ZNF284: variants seen among roughly 807,000 people sequenced by gnomAD.
The protein encoded by ZNF284 is zinc finger protein 284.
In ZNF284, 12 loss-of-function variants were observed where a neutral mutation model predicts 12.9. The observed-to-expected ratio is 0.93, with a 90% CI of 0.60 to 1.51. ZNF284 has a LOEUF of 1.51. Ranked by LOEUF, ZNF284 falls within the 40% of genes most tolerant of loss-of-function variation. The pLI is 0.00. For synonymous variants in ZNF284, 225 were observed against 236.5 expected, an observed-to-expected ratio of 0.95 and a Z score of 0.45; for missense variants, 667 against 707.3, an observed-to-expected ratio of 0.94 and a Z score of 0.65.
At chr19:44,074,476 A>G (rs1966998930) in intron 1 of ZNF284, among the ~76,000 whole-genome samples, 1 of 152,320 alleles carries the variant, frequency 6.6e-6, no homozygotes, top group Non-Finnish European at 1.5e-5. Flanking sequence ...AAATTTGCCA[A>G]ATGTTTACAT....
rs148554872 is a variant in ZNF284 at position 44,073,317 on chromosome 19, G to C, written c.-69+1026G>C. ...GAATCTAGTGGGGAAAGCAAGCTAGGACTTGATTGAAGGGAGCCTTGAGAG... is the reference window on the plus strand; with the variant it reads ...GAATCTAGTGGGGAAAGCAAGCTAGCACTTGATTGAAGGGAGCCTTGAGAG... On this transcript the variant is annotated intron_variant, in intron 1 of 4. Transcript: ENST00000421176. Among the ~76,000 whole-genome samples, 216 of 152,308 alleles carry C rather than the reference G, an allele frequency of 1.4e-3. 2 individuals carry two copies. The highest frequency in any genetic ancestry group is 6.2e-3 in the South Asian group (30 of 4,824).
At chr19:44,078,608 C>T (rs1184002230) in intron 2 of ZNF284, among the ~76,000 whole-genome samples, 5 of 152,034 alleles carry the variant, frequency 3.3e-5, no homozygotes, top group South Asian at 4.2e-4. Context: ...ACTACGGGCA[C>T]GCACCACGAT....
At chr19:44,077,008 C>T (rs1159986364) in intron 2 of ZNF284, among the ~76,000 whole-genome samples, 4 of 152,124 alleles carry the variant, frequency 2.6e-5, no homozygotes, top group East Asian at 1.9e-4. Flanking sequence ...TTAGTAGAGA[C>T]GGGGTTTCAC....
intron 2 of ZNF284, 60 bp downstream of exon 2, chr19:44,076,464 A>G (rs1241646073): frequency 1.0e-5 from 16 of 1,567,064 alleles, no homozygotes; most frequent in Non-Finnish European, 4.3e-6. Flanking sequence ...AGATTGTCAC[A>G]TGTTTTTCTC....
intron 2 of ZNF284, among the ~76,000 whole-genome samples, chr19:44,078,223 G>A (rs1212347817): frequency 6.6e-6 from 1 of 152,114 alleles, no homozygotes; most frequent in East Asian, 1.9e-4. Flanking sequence ...TTGAAAAGGT[G>A]ATAGTATTAT....
At chr19:44,074,793 A>G (rs11880826) in intron 1 of ZNF284, among the ~76,000 whole-genome samples, 2,905 of 152,218 alleles carry the variant, frequency 0.019, 101 homozygotes, top group African/African-American at 0.066. Flanking sequence ...ACATGGAGAA[A>G]CCCCATCTCT....
chr19:44,087,304 A>G lies in ZNF284; in HGVS notation c.*44A>G. ...GGTTACAGCATATTTCAATACATGT[A>G]TACAATGTATAATGATCAAATCAGT... On this transcript the variant is annotated 3_prime_UTR_variant, in exon 5 of 5. Coordinates refer to ENST00000421176, the MANE Select transcript of ZNF284 (RefSeq NM_001037813.4). 4 of 1,280,612 alleles carry G rather than the reference A, an allele frequency of 3.1e-6. No individual in the cohort carries two copies. Among genetic ancestry groups the G allele is most frequent in the Non-Finnish European group, 4.2e-6 (4 of 942,050 alleles). The allele number at this position is 1,280,612 out of a possible 1,614,324, so 79.3% of individuals were successfully genotyped here.
At chr19:44,081,523 A>G (rs1322036609) in intron 3 of ZNF284, among the ~76,000 whole-genome samples, 1 of 151,916 alleles carries the variant, frequency 6.6e-6, no homozygotes, top group African/African-American at 2.4e-5. Flanking sequence ...CATTCTGGCT[A>G]ACACGGTGAA....
At chr19:44,083,956 A>G (rs1292471653) in intron 4 of ZNF284, among the ~76,000 whole-genome samples, 1 of 152,096 alleles carries the variant, frequency 6.6e-6, no homozygotes, top group Non-Finnish European at 1.5e-5. Context: ...CAGGGCAGGG[A>G]AATCCTTAGG....
rs1030950996 is a variant in ZNF284, at chr19:44,088,847, G to C, written c.*1587G>C. 73 of 140,026 alleles carry C rather than the reference G, an allele frequency of 5.2e-4. No individual in the cohort carries two copies. The highest frequency in any genetic ancestry group is 1.8e-3 in the African/African-American group (68 of 37,952). The allele number at this position is 140,026 out of a possible 1,614,324, so 8.7% of individuals were successfully genotyped here. ...TTTTTTTTTTTTTTCTTTTGAGACA[G>C]TCTTGCTCTGTCACCCAGACTGGCA... On this transcript the variant is annotated 3_prime_UTR_variant, in exon 5 of 5. Coordinates refer to ENST00000421176, the MANE Select transcript of ZNF284 (RefSeq NM_001037813.4).
chr19:44,076,747 GTTCT>G (rs879539290), intron 2 of ZNF284, among the ~76,000 whole-genome samples: 1 of 149,120 alleles, frequency 6.7e-6, no homozygotes, highest in African/African-American at 2.5e-5. Flanking sequence ...TTTAAATTGT[GTTCT>G]TTGTGTTTAA....
In ZNF284 at chr19:44,086,664, G is replaced by A; in HGVS notation, c.1186G>A (p.Glu396Lys). The A allele has an allele frequency of 6.2e-7, 1 of 1,614,104 alleles. No individual in the cohort carries two copies. Among genetic ancestry groups the A allele is most frequent in the Non-Finnish European group, 8.5e-7 (1 of 1,179,972 alleles). ...AAGACATCAGCGGGTCCACAATGGA[G>A]AAACAACATTCAAGTGCGACGGATG... ...LSRHQRVHNG[E>K]TTFKCDGCGK... Residue 396 changes from glutamate to lysine, a missense_variant, in exon 5 of 5, where the codon GAA (glutamate) becomes AAA (lysine). Coordinates refer to ENST00000421176, the MANE Select transcript of ZNF284 (RefSeq NM_001037813.4).
Position 44,086,625 on chromosome 19 carries a change from T to A in ZNF284, c.1147T>A (p.Ser383Thr), listed in dbSNP as rs776301953. The A allele has an allele frequency of 4.3e-6, 7 of 1,613,908 alleles. No homozygotes were observed. The Admixed American group carries it at 8.3e-5, about 19-fold the overall frequency. ...TGTATGTGGGAAGGGCTTCAGGTGG[T>A]CCTCATGTCTTTCAAGACATCAGCG... ...CNVCGKGFRW[S>T]SCLSRHQRVH... is the part of the protein sequence containing the mutation. Residue 383 changes from serine (S) to threonine (T), a missense_variant, in exon 5 of 5, where the codon TCC (serine) becomes ACC (threonine). By Grantham distance (58) the Ser-to-Thr change is moderately conservative (BLOSUM62 1). Coordinates refer to ENST00000421176, the MANE Select transcript of ZNF284 (RefSeq NM_001037813.4).
At chr19:44,075,344 G>A (rs1261651732) in intron 1 of ZNF284, among the ~76,000 whole-genome samples, 1 of 152,166 alleles carries the variant, frequency 6.6e-6, no homozygotes, top group African/African-American at 2.4e-5. Context: ...TAGGCAAGTT[G>A]TTTTGCAGAA....
chr19:44,079,612 G>A (rs1444241546), intron 2 of ZNF284, among the ~76,000 whole-genome samples: 1 of 151,498 alleles, frequency 6.6e-6, no homozygotes, highest in African/African-American at 2.4e-5. Flanking sequence ...GGGAGGCTGA[G>A]GCAGGAGAAT....
At chr19:44,077,556 T>TTTTTTTTTTTTTC in intron 2 of ZNF284, among the ~76,000 whole-genome samples, 1 of 149,522 alleles carries the variant, frequency 6.7e-6, no homozygotes, top group Non-Finnish European at 1.5e-5. Context: ...TTTTTTTTTT[T>TTTTTTTTTTTTTC]TTTAGTTTTT....
chr19:44,075,535 C>T (rs1210650363), intron 1 of ZNF284, among the ~76,000 whole-genome samples: 2 of 152,074 alleles, frequency 1.3e-5, no homozygotes, highest in Non-Finnish European at 2.9e-5. Context: ...AAGATGAAGT[C>T]TTTCAGATTT....
In ZNF284 at chr19:44,076,308, A is replaced by G. The variant is rs1375342292; in HGVS notation, c.-68-14A>G. 3.6e-6 allele frequency: 5 copies of G among 1,404,576 alleles called. No homozygotes were observed. The highest frequency in any genetic ancestry group is 1.3e-5 in the South Asian group (1 of 74,564). 87.0% of individuals were successfully genotyped at this position (1,404,576 alleles called of 1,614,324 possible). ...GTCTCTTTTTTTTTTTTTGCCTTCC[A>G]TGGCATGTTTCAGGCACAATTCTGT... On this transcript the variant is annotated splice_polypyrimidine_tract_variant and intron_variant, in intron 1 of 4. Transcript: ENST00000421176.
chr19:44,075,453 T>C (rs1479851902), intron 1 of ZNF284, among the ~76,000 whole-genome samples: 3 of 152,242 alleles, frequency 2.0e-5, no homozygotes, highest in Non-Finnish European at 4.4e-5. Context: ...GTCCTTTTCA[T>C]TGCAACCTAA....
Sources: gnomAD v4.1 joint callset for allele counts (sites outside exome capture counted in the v4.1 genomes callset) on GRCh38, gnomAD v4.1.1 for gene constraint, MANE v1.5 for transcripts, NCBI Gene and HGNC (gene_info 2026-07-23, HGNC 2026-07-21) for gene names.